Variants in CDC42BPA observed in about 807,000 individuals in gnomAD.
The protein encoded by CDC42BPA is serine/threonine-protein kinase MRCK alpha.
CDC42BPA carries 80 observed loss-of-function variants against 223.5 expected under a neutral mutation model. That is an observed-to-expected ratio of 0.36 (90% CI 0.30 to 0.43). The LOEUF (loss-of-function observed/expected upper bound fraction) is 0.43, where lower values mean the gene tolerates loss of function less well. Ranked by LOEUF, CDC42BPA falls within the 20% of genes least tolerant of loss-of-function variation. The pLI, the probability that CDC42BPA is intolerant of heterozygous loss-of-function variation, is 1.00. For missense variants in CDC42BPA, 1,743 were observed against 2,099.9 expected, an observed-to-expected ratio of 0.83 and a Z score of 3.32; for synonymous variants, 694 against 718.6, an observed-to-expected ratio of 0.97 and a Z score of 0.55.
chr1:227,145,880 G>A, intron 7 of CDC42BPA, 143 bp from the exon 8 acceptor site: 1 of 584,448 alleles, frequency 1.7e-6, no homozygotes, highest in Non-Finnish European at 2.8e-6. Flanking sequence ...TAATACTAAA[G>A]GAATACAGGG....
Position 227,028,952 on chromosome 1 carries a change from T to C in CDC42BPA, c.4137A>G (p.Gln1379=), listed in dbSNP as rs200690739. 1 of 1,614,192 alleles carries C rather than the reference T, an allele frequency of 6.2e-7. No individual in the cohort carries two copies. Among genetic ancestry groups the C allele is most frequent in the Non-Finnish European group, 8.5e-7 (1 of 1,180,038 alleles). ...KTRHRKFKEI[Q]VPYNVQWMAI... is the part of the protein sequence containing the mutation. Reference sequence around the variant, plus strand: ...CCATCCACTGGACATTATATGGGACTTGAATTTCTTTAAATTTTCTGTGAC... The same window carrying C: ...CCATCCACTGGACATTATATGGGACCTGAATTTCTTTAAATTTTCTGTGAC... The change falls in exon 30 of 37, where the codon CAA becomes CAG. Residue 1379 remains glutamine (Q), a synonymous_variant. Transcript: ENST00000366766.
At chr1:227,096,222 A>G (rs1683971194) in intron 15 of CDC42BPA, among the ~76,000 whole-genome samples, 1 of 152,218 alleles carries the variant, frequency 6.6e-6, no homozygotes, top group Non-Finnish European at 1.5e-5. Flanking sequence ...ATGTTTAGGA[A>G]GCTTTCCTAA....
At chr1:227,252,059 T>C (rs1328911969) in intron 2 of CDC42BPA, among the ~76,000 whole-genome samples, 1 of 151,982 alleles carries the variant, frequency 6.6e-6, no homozygotes, top group Non-Finnish European at 1.5e-5. Flanking sequence ...GAGGAAAACA[T>C]ATAGCCTTAA....
chr1:227,128,367 C>A (rs1352350430), intron 11 of CDC42BPA, among the ~76,000 whole-genome samples: 7 of 152,228 alleles, frequency 4.6e-5, no homozygotes, highest in Non-Finnish European at 8.8e-5. Context: ...GCACATCTGA[C>A]TAATTCTCCT....
intron 2 of CDC42BPA, among the ~76,000 whole-genome samples, chr1:227,220,593 C>T (rs1316173767): frequency 6.6e-6 from 1 of 151,982 alleles, no homozygotes; most frequent in Non-Finnish European, 1.5e-5. Flanking sequence ...CTACTCTTCA[C>T]CAGCAATTAA....
chr1:227,274,379 G>C (rs1429110760), intron 1 of CDC42BPA, among the ~76,000 whole-genome samples: 1 of 152,152 alleles, frequency 6.6e-6, no homozygotes, highest in Non-Finnish European at 1.5e-5. Flanking sequence ...ATAAAAGAAA[G>C]TGATTACTTT....
In CDC42BPA at chr1:226,993,428, C is replaced by T. The variant is rs1660989254; in HGVS notation, c.*840G>A. The T allele has an allele frequency of 6.6e-6, 1 of 152,292 alleles. No homozygotes were observed. The highest frequency in any genetic ancestry group is 2.4e-5 in the African/African-American group (1 of 41,456). The allele number at this position is 152,292 out of a possible 1,614,324, so 9.4% of individuals were successfully genotyped here. A position where few individuals can be genotyped will look rare whatever the true frequency, so the allele number is the denominator to read the frequency against. ...TGAAGTGGCTTCAAATGTTAAAGCT[C>T]TGGTGCCCAGGGCATGCCCCAAACC... On this transcript the variant is annotated 3_prime_UTR_variant, in exon 37 of 37. Coordinates refer to ENST00000366766, the MANE Select transcript of CDC42BPA (RefSeq NM_001394014.1).
At chr1:227,095,497 G>A (rs1392918927) in intron 15 of CDC42BPA, among the ~76,000 whole-genome samples, 1 of 151,636 alleles carries the variant, frequency 6.6e-6, no homozygotes, top group African/African-American at 2.4e-5. Context: ...ATAGTTCTGT[G>A]GATCATGATG....
chr1:227,109,015 T>C (rs922008728), intron 14 of CDC42BPA, among the ~76,000 whole-genome samples: 3 of 151,920 alleles, frequency 2.0e-5, no homozygotes, highest in Non-Finnish European at 4.4e-5. Flanking sequence ...AAAAACATCA[T>C]ATAAAAGATA....
chr1:227,264,795 C>CA lies in CDC42BPA; in HGVS notation c.179-10641dup. The CA allele has an allele frequency of 2.6e-6, 3 of 1,170,690 alleles. No individual in the cohort carries two copies. The Middle Eastern group carries it at 7.2e-4, about 279-fold the overall frequency. 72.5% of individuals were successfully genotyped at this position (1,170,690 alleles called of 1,614,324 possible). ...TTTAAAGAATCTTCCACTGTTACCT[C>CA]AGTGACAGAATCTTCTTGCTTTTTT... On this transcript the variant is annotated intron_variant, in intron 1 of 36. Coordinates refer to ENST00000366766, the MANE Select transcript of CDC42BPA (RefSeq NM_001394014.1).
At chr1:227,186,454 G>T (rs769671762) in intron 5 of CDC42BPA, among the ~76,000 whole-genome samples, 2 of 152,076 alleles carry the variant, frequency 1.3e-5, no homozygotes, top group Non-Finnish European at 2.9e-5. Flanking sequence ...CCAGAAGGAG[G>T]GGCAATACCC....
At chr1:227,060,675 G>A (rs988304550) in intron 21 of CDC42BPA, among the ~76,000 whole-genome samples, 1 of 147,430 alleles carries the variant, frequency 6.8e-6, no homozygotes, top group Non-Finnish European at 1.5e-5. Context: ...CAAAAATTCA[G>A]TATTAGTGTT....
chr1:227,206,438 T>C (rs1396412588), intron 3 of CDC42BPA, among the ~76,000 whole-genome samples: 7 of 152,320 alleles, frequency 4.6e-5, no homozygotes, highest in African/African-American at 1.7e-4. Flanking sequence ...TATCATTAAT[T>C]ATATATTTGA....
At chr1:227,065,916 T>G (rs965941994) in intron 21 of CDC42BPA, among the ~76,000 whole-genome samples, 20 of 152,120 alleles carry the variant, frequency 1.3e-4, no homozygotes, top group African/African-American at 4.8e-4. Flanking sequence ...CAGCTGCAAT[T>G]CAAACTTTAG....
At chr1:227,010,766 A>G in intron 34 of CDC42BPA, 1 of 420,946 alleles carries the variant, frequency 2.4e-6, no homozygotes, top group African/African-American at 2.2e-5. Flanking sequence ...AAATAGGCCA[A>G]AGGAAAAGGT....
chr1:227,180,682 G>C (rs537695230), intron 5 of CDC42BPA: 2 of 152,174 alleles, frequency 1.3e-5, no homozygotes, highest in East Asian at 3.9e-4. Flanking sequence ...AATTATCTAC[G>C]TAGTGCTGAA....
At chr1:227,201,610 T>C (rs1221953144) in intron 3 of CDC42BPA, among the ~76,000 whole-genome samples, 1 of 152,146 alleles carries the variant, frequency 6.6e-6, no homozygotes, top group Non-Finnish European at 1.5e-5. Flanking sequence ...TTACCATTAT[T>C]AACTCTTTGG....
intron 10 of CDC42BPA, among the ~76,000 whole-genome samples, chr1:227,139,226 G>C (rs539234093): frequency 8.5e-5 from 13 of 152,258 alleles, no homozygotes; most frequent in Non-Finnish European, 1.9e-4. Flanking sequence ...ATGACAGTGT[G>C]AAAGGAGCTA....
intron 11 of CDC42BPA, among the ~76,000 whole-genome samples, chr1:227,125,272 A>G (rs1689360556): frequency 1.3e-5 from 2 of 151,838 alleles, no homozygotes. Context: ...TAGATTTCCA[A>G]CCTCATGAGG....
Sources: gnomAD v4.1 joint callset for allele counts (sites outside exome capture counted in the v4.1 genomes callset) on GRCh38, gnomAD v4.1.1 for gene constraint, MANE v1.5 for transcripts, NCBI Gene and HGNC (gene_info 2026-07-23, HGNC 2026-07-21) for gene names.